The following MALRD1 variants were observed in gnomAD, a reference collection of about 807,000 sequenced individuals.
MALRD1 encodes MAM and LDL-receptor class A domain-containing protein 1.
MALRD1 carries 247 observed loss-of-function variants against 242.1 expected under a neutral mutation model. The observed-to-expected ratio is 1.02, with a 90% CI of 0.92 to 1.13. The LOEUF is 1.13. MALRD1 is among the 50% of genes most tolerant of loss of function. The pLI is 0.00. For synonymous variants in MALRD1, 995 were observed against 866.6 expected (o/e 1.15, Z -2.60); for missense variants, 2,989 against 2,533.1 (o/e 1.18, Z -3.86).
chr10:19,660,549 A>G (rs1369308419), intron 36 of MALRD1, among the ~76,000 whole-genome samples: 2 of 152,174 alleles, frequency 1.3e-5, no homozygotes, highest in Non-Finnish European at 2.9e-5. Context: ...TAAAATGCCC[A>G]GAGTACCTTA....
At chr10:19,504,522 A>G (rs999061932) in intron 31 of MALRD1, among the ~76,000 whole-genome samples, 3 of 152,176 alleles carry the variant, frequency 2.0e-5, no homozygotes, top group Admixed American at 6.5e-5. Flanking sequence ...CATGATTCCC[A>G]GACCATTATT....
chr10:19,127,219 A>T (rs983691311), intron 7 of MALRD1, among the ~76,000 whole-genome samples: 1 of 152,188 alleles, frequency 6.6e-6, no homozygotes, highest in Admixed American at 6.5e-5. Flanking sequence ...GACTATTTTT[A>T]AAAAGATTAA....
intron 14 of MALRD1, among the ~76,000 whole-genome samples, chr10:19,176,842 GTGTC>G (rs1306382698): frequency 6.9e-5 from 10 of 145,684 alleles, no homozygotes; most frequent in East Asian, 3.9e-4. Flanking sequence ...GCATGCCTGT[GTGTC>G]TGTGTGTGTG....
At chr10:19,168,227 T>C (rs1016513201) in intron 13 of MALRD1, among the ~76,000 whole-genome samples, 3 of 152,234 alleles carry the variant, frequency 2.0e-5, no homozygotes, top group Non-Finnish European at 4.4e-5. Context: ...TAGCAGCTCT[T>C]AATTGGGAAG....
intron 33 of MALRD1, among the ~76,000 whole-genome samples, chr10:19,573,429 G>T (rs1420126389): frequency 1.3e-5 from 2 of 152,166 alleles, no homozygotes; most frequent in East Asian, 1.9e-4. Context: ...CAGCAAGGAA[G>T]TGGTCTCATG....
intron 18 of MALRD1, among the ~76,000 whole-genome samples, chr10:19,218,821 GAAAC>G (rs1366557259): frequency 6.6e-6 from 1 of 151,828 alleles, no homozygotes; most frequent in Non-Finnish European, 1.5e-5. Context: ...TATTAAATAA[GAAAC>G]AAAAATACTA....
In MALRD1 at chr10:19,146,256, A is replaced by T; in HGVS notation, c.1470A>T (p.Thr490=). 8.1e-7 allele frequency: 1 copy of T among 1,231,582 alleles called. No homozygotes were observed. The highest frequency in any genetic ancestry group is 1.0e-6 in the Non-Finnish European group (1 of 987,934). 76.3% of individuals were successfully genotyped at this position (1,231,582 alleles called of 1,614,324 possible). The change falls in exon 11 of 40, where the codon ACA becomes ACT. Residue 490 remains threonine, a synonymous_variant. Transcript: ENST00000454679. Reference sequence around the variant, plus strand: ...TCTGCGGTTGGGAGCCATTTCTCACAGAAGATTCACACTGGAAGCTGATGA... The same window carrying T: ...TCTGCGGTTGGGAGCCATTTCTCACTGAAGATTCACACTGGAAGCTGATGA... ...SGFCGWEPFL[T]EDSHWKLMKG...
At chr10:19,612,133 A>G (rs1838929830) in intron 35 of MALRD1, among the ~76,000 whole-genome samples, 1 of 152,008 alleles carries the variant, frequency 6.6e-6, no homozygotes, top group Non-Finnish European at 1.5e-5. Context: ...TTTGAGGAAG[A>G]CTGAAATTGT....
At chr10:19,583,281 A>AGG (rs1379257973) in intron 33 of MALRD1, among the ~76,000 whole-genome samples, 1 of 148,024 alleles carries the variant, frequency 6.8e-6, no homozygotes, top group Non-Finnish European at 1.5e-5. Flanking sequence ...GTGGTGAGAG[A>AGG]GGGCATCCCT....
chr10:19,251,746 C>G (rs115717272), intron 18 of MALRD1, among the ~76,000 whole-genome samples: 2,305 of 152,098 alleles, frequency 0.015, 64 homozygotes, highest in African/African-American at 0.052. Context: ...TGGTTTGACT[C>G]TATGTCCCCC....
At chr10:19,665,007 A>G (rs1402745158) in intron 36 of MALRD1, among the ~76,000 whole-genome samples, 1 of 152,116 alleles carries the variant, frequency 6.6e-6, no homozygotes, top group Non-Finnish European at 1.5e-5. Context: ...TATATTTATA[A>G]CCTTTGTAAG....
intron 36 of MALRD1, among the ~76,000 whole-genome samples, chr10:19,655,969 G>A (rs184900706): frequency 1.8e-3 from 281 of 152,222 alleles, no homozygotes; most frequent in African/African-American, 6.6e-3. Context: ...GCTTGGACAT[G>A]TTAATCACAT....
At chr10:19,067,063 T>G (rs1246277527) in intron 2 of MALRD1, among the ~76,000 whole-genome samples, 1 of 152,206 alleles carries the variant, frequency 6.6e-6, no homozygotes, top group Non-Finnish European at 1.5e-5. Flanking sequence ...TCAAAATATT[T>G]ATGATTTTAA....
intron 11 of MALRD1, among the ~76,000 whole-genome samples, chr10:19,149,077 CATCTATCT>C (rs10657245): frequency 0.054 from 7,812 of 143,972 alleles, 265 homozygotes; most frequent in Middle Eastern, 0.085. Context: ...TCTATCTGTC[CATCTATCT>C]ATCTATCTAT....
intron 28 of MALRD1, among the ~76,000 whole-genome samples, chr10:19,410,234 A>G (rs1487257640): frequency 6.6e-6 from 1 of 152,132 alleles, no homozygotes; most frequent in Middle Eastern, 3.2e-3. Flanking sequence ...CATATTGCCT[A>G]TATTATCCAA....
At chr10:19,609,536 C>T (rs1838791364) in intron 35 of MALRD1, among the ~76,000 whole-genome samples, 1 of 152,036 alleles carries the variant, frequency 6.6e-6, no homozygotes, top group African/African-American at 2.4e-5. Flanking sequence ...ATCCTTACAG[C>T]ATCCAGTAAT....
intron 36 of MALRD1, among the ~76,000 whole-genome samples, chr10:19,632,270 T>C (rs1233212155): frequency 2.0e-5 from 3 of 152,132 alleles, no homozygotes; most frequent in African/African-American, 7.2e-5. Context: ...GTGAAGAAGT[T>C]GGAGCAAGCA....
chr10:19,148,786 A>ATATAT lies in MALRD1; in HGVS notation c.1558+2442_1558+2443insTATAT, dbSNP rs1220802758. On this transcript the variant is annotated intron_variant, in intron 11 of 39. Coordinates refer to ENST00000454679, the MANE Select transcript of MALRD1 (RefSeq NM_001142308.3). ...GAAAGGGCCAATTAAAAAAAAAAAA[A>ATATAT]AAATATATATATATATATATATATC... 5.2e-3 allele frequency among the ~76,000 whole-genome samples: 352 copies of ATATAT among 68,104 alleles called. 1 individual carries two copies. Among genetic ancestry groups the ATATAT allele is most frequent in the Middle Eastern group, 0.02 (2 of 100 alleles). 44.7% of individuals were successfully genotyped at this position (68,104 alleles called of 152,430 possible).
chr10:19,521,630 G>T (rs2131318444), intron 31 of MALRD1, among the ~76,000 whole-genome samples: 1 of 152,216 alleles, frequency 6.6e-6, no homozygotes, highest in South Asian at 2.1e-4. Flanking sequence ...TATTTTAGAA[G>T]ATTCAGTCTC....
Sources: gnomAD v4.1 joint callset for allele counts (sites outside exome capture counted in the v4.1 genomes callset) on GRCh38, gnomAD v4.1.1 for gene constraint, MANE v1.5 for transcripts, NCBI Gene and HGNC (gene_info 2026-07-23, HGNC 2026-07-21) for gene names.